The following MAP1LC3B variants were observed in gnomAD, a reference collection of about 807,000 sequenced individuals.
MAP1LC3B encodes the protein microtubule associated protein 1 light chain 3 beta, also known as microtubule-associated protein 1 light chain 3 beta.
MAP1LC3B carries 12 observed loss-of-function variants against 16.7 expected under a neutral mutation model. The ratio of observed to expected loss-of-function variants is 0.72; its 90% confidence interval spans 0.46 to 1.16. MAP1LC3B has a LOEUF of 1.16. Among genes scored for constraint, MAP1LC3B ranks in the 50% most tolerant of loss-of-function variants. The pLI is 0.00. For synonymous variants in MAP1LC3B, 63 were observed against 56.5 expected, an observed-to-expected ratio of 1.11 and a Z score of -0.51; for missense variants, 155 against 159.5, an observed-to-expected ratio of 0.97 and a Z score of 0.15.
intron 1 of MAP1LC3B, among the ~76,000 whole-genome samples, chr16:87,393,696 T>G (rs1328259525): frequency 6.6e-6 from 1 of 152,212 alleles, no homozygotes; most frequent in African/African-American, 2.4e-5. Context: ...TTTACTGTAG[T>G]GTCTAGGCTT....
At chr16:87,399,082 T>G in intron 2 of MAP1LC3B, 1 of 550,958 alleles carries the variant, frequency 1.8e-6, no homozygotes, top group African/African-American at 1.9e-5. Flanking sequence ...CGTAGCTCAG[T>G]GCAGTCTCAG....
intron 1 of MAP1LC3B, among the ~76,000 whole-genome samples, chr16:87,394,142 G>A (rs1254921288): frequency 6.6e-6 from 1 of 151,996 alleles, no homozygotes; most frequent in Non-Finnish European, 1.5e-5. Context: ...TGTATATACT[G>A]TATTTTCAGG....
rs1213533379 is a variant in MAP1LC3B at position 87,403,340 on chromosome 16, A to G, written c.*243A>G. On this transcript the variant is annotated 3_prime_UTR_variant, in exon 4 of 4. Transcript: ENST00000268607. ...GGCTAGCTTGTTTTCAAATTTTAAA[A>G]GTTTAAAAATAAAATACTTTGCATT... The G allele has an allele frequency of 5.7e-6, 2 of 353,238 alleles. No homozygotes were observed. The highest frequency in any genetic ancestry group is 1.1e-5 in the Non-Finnish European group (2 of 187,618). 21.9% of individuals were successfully genotyped at this position (353,238 alleles called of 1,614,324 possible).
intron 1 of MAP1LC3B, among the ~76,000 whole-genome samples, chr16:87,394,797 G>A (rs1414024314): frequency 6.9e-6 from 1 of 144,072 alleles, no homozygotes; most frequent in Non-Finnish European, 1.5e-5. Context: ...ATTGTGTGGG[G>A]CATGGTGGCT....
rs1908079328 is a variant in MAP1LC3B, at chr16:87,403,787, CTT to C, written c.*691_*692del. ...CATAAAGACACCACTCAAAAGGAAA[CTT>C]GAATAATTTATAATTTTGATCGAGT... On this transcript the variant is annotated 3_prime_UTR_variant, in exon 4 of 4. Coordinates refer to ENST00000268607, the MANE Select transcript of MAP1LC3B (RefSeq NM_022818.5). 1 of 152,152 alleles carries C rather than the reference CTT, an allele frequency of 6.6e-6. No homozygotes were observed. The highest frequency in any genetic ancestry group is 1.9e-4 in the East Asian group (1 of 5,186). The allele number at this position is 152,152 out of a possible 1,614,324, so 9.4% of individuals were successfully genotyped here.
At chr16:87,399,297 C>A in intron 2 of MAP1LC3B, 2 of 262,790 alleles carry the variant, frequency 7.6e-6, no homozygotes, top group South Asian at 7.7e-5. Context: ...TAGGCATGAG[C>A]CACTGGCTGG....
intron 1 of MAP1LC3B, chr16:87,393,243 C>G (rs1316560481): frequency 3.4e-4 from 52 of 152,266 alleles, no homozygotes; most frequent in Admixed American, 3.4e-3. Flanking sequence ...GCAGGTGTCA[C>G]CATCACAATA....
At chr16:87,394,139 A>G (rs992796128) in intron 1 of MAP1LC3B, among the ~76,000 whole-genome samples, 3 of 151,996 alleles carry the variant, frequency 2.0e-5, no homozygotes, top group Non-Finnish European at 4.4e-5. Context: ...CCTTGTATAT[A>G]CTGTATTTTC....
At position 87,392,386 on chromosome 16, in the gene MAP1LC3B, C is replaced by T. The variant is rs765899721; in HGVS notation, c.-42C>T. On this transcript the variant is annotated 5_prime_UTR_variant, in exon 1 of 4. Transcript: ENST00000268607. ...CCGCCGCCCCCGGGAGCCGCCGGGA[C>T]CCTCGCGTCGTCGCCGCCGCCGCCG... is the stretch of plus-strand genomic sequence containing the variant. 1.6e-5 allele frequency: 23 copies of T among 1,408,884 alleles called. No homozygotes were observed. The highest frequency in any genetic ancestry group is 2.5e-4 in the Middle Eastern group (1 of 3,946). The allele number at this position is 1,408,884 out of a possible 1,614,324, so 87.3% of individuals were successfully genotyped here. A position where few individuals can be genotyped will look rare whatever the true frequency, so the allele number is the denominator to read the frequency against.
chr16:87,393,453 G>C (rs1907681651), intron 1 of MAP1LC3B: 1 of 152,182 alleles, frequency 6.6e-6, no homozygotes, highest in South Asian at 2.1e-4. Context: ...CTTTTGCCTA[G>C]TTTCCCGGAG....
chr16:87,394,510 G>C (rs1273902003), intron 1 of MAP1LC3B, among the ~76,000 whole-genome samples: 1 of 152,176 alleles, frequency 6.6e-6, no homozygotes, highest in Non-Finnish European at 1.5e-5. Flanking sequence ...TACCAGGATT[G>C]ACAGGGTTCT....
chr16:87,402,365 C>T lies in MAP1LC3B; in HGVS notation c.203+84C>T. ...GAAACTTACAGTTAAATCTTTAGTTCTGGTTAAAATCTTTAAAAAATATTT... is the reference window on the plus strand; with the variant it reads ...GAAACTTACAGTTAAATCTTTAGTTTTGGTTAAAATCTTTAAAAAATATTT... On this transcript the variant is annotated intron_variant, in intron 3 of 3. Transcript: ENST00000268607. 12 of 1,289,594 alleles carry T rather than the reference C, an allele frequency of 9.3e-6. No individual in the cohort carries two copies. The South Asian group carries it at 1.7e-4, about 19-fold the overall frequency. The allele number at this position is 1,289,594 out of a possible 1,614,324, so 79.9% of individuals were successfully genotyped here.
At chr16:87,394,349 CAT>C (rs925858459) in intron 1 of MAP1LC3B, among the ~76,000 whole-genome samples, 5 of 152,086 alleles carry the variant, frequency 3.3e-5, no homozygotes, top group African/African-American at 7.2e-5. Flanking sequence ...AGTTTTCAGA[CAT>C]GTGTAGCACA....
rs917240605 is a variant in MAP1LC3B, at chr16:87,404,282, A to C, written c.*1185A>C. ...TACTTGCATGGGGTTCACTATTTAT[A>C]GTTTTCTTGGGAGTATCACAGGAAA... On this transcript the variant is annotated 3_prime_UTR_variant, in exon 4 of 4. Coordinates refer to ENST00000268607, the MANE Select transcript of MAP1LC3B (RefSeq NM_022818.5). 1 of 152,194 alleles carries C rather than the reference A, an allele frequency of 6.6e-6. No individual in the cohort carries two copies. Among genetic ancestry groups the C allele is most frequent in the African/African-American group, 2.4e-5 (1 of 41,430 alleles). 9.4% of individuals were successfully genotyped at this position (152,194 alleles called of 1,614,324 possible). A position where few individuals can be genotyped will look rare whatever the true frequency, so the allele number is the denominator to read the frequency against.
intron 2 of MAP1LC3B, chr16:87,399,772 T>C (rs1216943818): frequency 3.3e-6 from 1 of 303,958 alleles, no homozygotes; most frequent in Admixed American, 4.4e-5. Flanking sequence ...GGATTATTTA[T>C]TTATTTATTT....
In MAP1LC3B at chr16:87,398,868, C is replaced by T; in HGVS notation, c.94C>T (p.Pro32Ser). 6.2e-7 allele frequency: 1 copy of T among 1,613,804 alleles called. No individual in the cohort carries two copies. The highest frequency in any genetic ancestry group is 1.7e-5 in the Admixed American group (1 of 60,026). ...TCGAGAGCAGCATCCAACCAAAATCCCGGTAGGTAGTCTCAGGCCTCGGTT... is the reference window on the plus strand; with the variant it reads ...TCGAGAGCAGCATCCAACCAAAATCTCGGTAGGTAGTCTCAGGCCTCGGTT... ...LIREQHPTKI[P>S]VIIERYKGEK... The change falls in exon 2 of 4, where the codon CCG becomes TCG. Residue 32 changes from proline (P) to serine (S), a missense_variant and splice_region_variant. Physicochemically the swap from Pro to Ser is moderately conservative, Grantham distance 74. Coordinates refer to ENST00000268607, the MANE Select transcript of MAP1LC3B (RefSeq NM_022818.5).
chr16:87,401,700 T>G (rs780872333), intron 2 of MAP1LC3B, among the ~76,000 whole-genome samples: 1 of 152,122 alleles, frequency 6.6e-6, no homozygotes, highest in African/African-American at 2.4e-5. Context: ...TGGATAATTT[T>G]TGTATTTTTA....
Position 87,403,273 on chromosome 16 carries a change from A to C in MAP1LC3B, c.*176A>C. Reference sequence around the variant, plus strand: ...GTTTCAAGCAGAAAAACTGAGCTCCAAGTGAGCACATTCAGCTTTGGAAAC... The same window carrying C: ...GTTTCAAGCAGAAAAACTGAGCTCCCAGTGAGCACATTCAGCTTTGGAAAC... On this transcript the variant is annotated 3_prime_UTR_variant, in exon 4 of 4. Coordinates refer to ENST00000268607, the MANE Select transcript of MAP1LC3B (RefSeq NM_022818.5). 1.8e-6 allele frequency: 1 copy of C among 547,622 alleles called. No individual in the cohort carries two copies. Among genetic ancestry groups the C allele is most frequent in the Non-Finnish European group, 3.3e-6 (1 of 307,356 alleles). The allele number at this position is 547,622 out of a possible 1,614,324, so 33.9% of individuals were successfully genotyped here. A position where few individuals can be genotyped will look rare whatever the true frequency, so the allele number is the denominator to read the frequency against.
At chr16:87,395,788 GA>G (rs571780923) in intron 1 of MAP1LC3B, among the ~76,000 whole-genome samples, 1 of 148,962 alleles carries the variant, frequency 6.7e-6, no homozygotes, top group South Asian at 2.2e-4. Context: ...TCAGGATAAA[GA>G]TAACTTTAAA....
Sources: gnomAD v4.1 joint callset for allele counts (sites outside exome capture counted in the v4.1 genomes callset) on GRCh38, gnomAD v4.1.1 for gene constraint, MANE v1.5 for transcripts, NCBI Gene and HGNC (gene_info 2026-07-23, HGNC 2026-07-21) for gene names.